HCN1: variants seen among roughly 807,000 people sequenced by gnomAD.
HCN1 encodes potassium/sodium hyperpolarization-activated cyclic nucleotide-gated channel 1.
HCN1 carries 13 observed loss-of-function variants against 78.9 expected under a neutral mutation model. The observed-to-expected ratio is 0.16, with a 90% CI of 0.11 to 0.26. HCN1 has a LOEUF of 0.26. Ranked by LOEUF, HCN1 falls within the 10% of genes least tolerant of loss-of-function variation. The pLI is 1.00. For missense variants in HCN1, 810 were observed against 1,154.3 expected, an observed-to-expected ratio of 0.70 and a Z score of 4.32; for synonymous variants, 552 against 455.5, an observed-to-expected ratio of 1.21 and a Z score of -2.70.
chr5:45,325,018 G>C (rs576473741), intron 5 of HCN1, among the ~76,000 whole-genome samples: 4 of 151,816 alleles, frequency 2.6e-5, no homozygotes, highest in East Asian at 1.9e-4. Flanking sequence ...AAGGTGCCCA[G>C]GTGGGAAGAA....
chr5:45,640,899 AG>A (rs1384061740), intron 2 of HCN1, among the ~76,000 whole-genome samples: 1 of 151,794 alleles, frequency 6.6e-6, no homozygotes, highest in Non-Finnish European at 1.5e-5. Flanking sequence ...GAGATGTAGC[AG>A]GAATAAAATT....
intron 2 of HCN1, among the ~76,000 whole-genome samples, chr5:45,473,456 T>C (rs1030237475): frequency 1.3e-5 from 2 of 151,774 alleles, no homozygotes; most frequent in African/African-American, 2.4e-5. Context: ...TGAGAAAACA[T>C]TGTCATTTAC....
chr5:45,356,682 A>C (rs1054004398), intron 4 of HCN1, among the ~76,000 whole-genome samples: 3 of 151,932 alleles, frequency 2.0e-5, no homozygotes, highest in Non-Finnish European at 4.4e-5. Context: ...TTGTACCTTT[A>C]TGCACCATGT....
At chr5:45,559,678 A>G (rs1207753525) in intron 2 of HCN1, 7 of 152,232 alleles carry the variant, frequency 4.6e-5, no homozygotes, top group Non-Finnish European at 8.8e-5. Flanking sequence ...TGCTGTGAAC[A>G]TTGTTGAAAT....
intron 2 of HCN1, among the ~76,000 whole-genome samples, chr5:45,471,899 C>A (rs1334382415): frequency 6.6e-6 from 1 of 151,910 alleles, no homozygotes; most frequent in African/African-American, 2.4e-5. Context: ...TAATTTACCT[C>A]ACATTCAATC....
At chr5:45,496,877 T>C (rs7712052) in intron 2 of HCN1, among the ~76,000 whole-genome samples, 8 of 152,210 alleles carry the variant, frequency 5.3e-5, no homozygotes, top group East Asian at 1.9e-4. Context: ...GCTTTGAATG[T>C]GTCCCAGAGA....
rs563337116 is a variant in HCN1 at position 45,565,697 on chromosome 5, G to A, written c.849+79488C>T. 2.6e-5 allele frequency among the ~76,000 whole-genome samples: 4 copies of A among 152,098 alleles called. No individual in the cohort carries two copies. In the East Asian group the frequency reaches 5.8e-4, roughly 22 times the overall value. On this transcript the variant is annotated intron_variant, in intron 2 of 7. Coordinates refer to ENST00000303230, the MANE Select transcript of HCN1 (RefSeq NM_021072.4). ...AAAATAGCTGGGTGTGGTGTCACAC[G>A]GGAGGCTGAGGTGGGAGGATGGTTT...
chr5:45,668,267 TGTGGAAGGAGGGATTCG>T (rs897382052), intron 1 of HCN1, among the ~76,000 whole-genome samples: 1 of 151,906 alleles, frequency 6.6e-6, no homozygotes, highest in African/African-American at 2.4e-5. Context: ...AATCCCCGTG[TGTGGAAGGAGGGATTCG>T]GTGGGAGGTG....
intron 2 of HCN1, among the ~76,000 whole-genome samples, chr5:45,584,044 T>C (rs1006304130): frequency 2.6e-5 from 4 of 152,162 alleles, no homozygotes; most frequent in African/African-American, 9.7e-5. Context: ...GTCTATTAGG[T>C]CCGCTTGCTG....
At chr5:45,625,207 G>A (rs993922556) in intron 2 of HCN1, among the ~76,000 whole-genome samples, 8 of 152,082 alleles carry the variant, frequency 5.3e-5, no homozygotes, top group African/African-American at 1.9e-4. Context: ...GGAGACTGAG[G>A]TGGGATAATC....
At chr5:45,495,846 C>G (rs1290886910) in intron 2 of HCN1, among the ~76,000 whole-genome samples, 1 of 152,154 alleles carries the variant, frequency 6.6e-6, no homozygotes, top group East Asian at 1.9e-4. Context: ...TTTTCTGCAT[C>G]TATTGAGATA....
chr5:45,372,625 A>G (rs1226190766), intron 4 of HCN1, among the ~76,000 whole-genome samples: 2 of 122,646 alleles, frequency 1.6e-5, no homozygotes, highest in African/African-American at 7.2e-5. Context: ...ATATAAAAAT[A>G]TATAAAACAT....
At chr5:45,496,641 C>T (rs554608021) in intron 2 of HCN1, among the ~76,000 whole-genome samples, 48 of 152,030 alleles carry the variant, frequency 3.2e-4, no homozygotes, top group Admixed American at 2.8e-3. Flanking sequence ...TTTGTTGATC[C>T]TTTCAAAAAA....
intron 4 of HCN1, among the ~76,000 whole-genome samples, chr5:45,367,233 C>T (rs572823277): frequency 6.6e-6 from 1 of 150,828 alleles, no homozygotes; most frequent in East Asian, 2.0e-4. Context: ...TGATTGATTT[C>T]AAAAGAATTA....
At chr5:45,385,488 T>G (rs969300918) in intron 4 of HCN1, among the ~76,000 whole-genome samples, 4 of 152,116 alleles carry the variant, frequency 2.6e-5, no homozygotes, top group African/African-American at 9.7e-5. Flanking sequence ...GAATGAGTCA[T>G]CTAGTCAGGA....
intron 1 of HCN1, among the ~76,000 whole-genome samples, chr5:45,678,046 A>T (rs1426231215): frequency 6.6e-6 from 1 of 151,366 alleles, no homozygotes; most frequent in Non-Finnish European, 1.5e-5. Flanking sequence ...TAAACAGAAA[A>T]GTTTTAGTAG....
chr5:45,430,696 C>T (rs1188406101), intron 3 of HCN1, among the ~76,000 whole-genome samples: 1 of 151,994 alleles, frequency 6.6e-6, no homozygotes, highest in Non-Finnish European at 1.5e-5. Flanking sequence ...TCATCGGGCG[C>T]TTGTAGTCCC....
At chr5:45,463,849 G>A (rs974225099) in intron 2 of HCN1, among the ~76,000 whole-genome samples, 5 of 151,980 alleles carry the variant, frequency 3.3e-5, no homozygotes, top group South Asian at 2.1e-4. Flanking sequence ...TAAAGACTGC[G>A]TTTTGTTGGG....
At chr5:45,403,950 C>A (rs1480428501) in intron 3 of HCN1, among the ~76,000 whole-genome samples, 1 of 152,134 alleles carries the variant, frequency 6.6e-6, no homozygotes, top group Non-Finnish European at 1.5e-5. Flanking sequence ...GTGTTTTCAA[C>A]CCATGCAGTC....
Sources: gnomAD v4.1 joint callset for allele counts (sites outside exome capture counted in the v4.1 genomes callset) on GRCh38, gnomAD v4.1.1 for gene constraint, MANE v1.5 for transcripts, NCBI Gene and HGNC (gene_info 2026-07-23, HGNC 2026-07-21) for gene names.